Variants in FBH1 observed in about 807,000 individuals in gnomAD.
The protein encoded by FBH1 is F-box DNA helicase 1.
In FBH1, 43 loss-of-function variants were observed where a neutral mutation model predicts 115.5. The observed-to-expected ratio is 0.37, with a 90% CI of 0.29 to 0.48. The LOEUF (loss-of-function observed/expected upper bound fraction) is 0.48, where lower values mean the gene tolerates loss of function less well. Among genes scored for constraint, FBH1 ranks in the 20% least tolerant of loss-of-function variants. The pLI, the probability that FBH1 is intolerant of heterozygous loss-of-function variation, is 0.99. For missense variants in FBH1, 1,001 were observed against 1,337.3 expected (o/e 0.75, Z 3.92); for synonymous variants, 524 against 507.8 (o/e 1.03, Z -0.43).
intron 1 of FBH1, among the ~76,000 whole-genome samples, chr10:5,898,949 A>G (rs985344143): frequency 6.6e-6 from 1 of 152,210 alleles, no homozygotes; most frequent in Non-Finnish European, 1.5e-5. Context: ...TTATCAATGC[A>G]CCGTTGTTAC....
Position 5,896,018 on chromosome 10 carries a change from A to C in FBH1, c.1+5672A>C, listed in dbSNP as rs76236865. ...TAAGTTGTTTTCAATAAAGAAGATT[A>C]AAAAAAGAAGCCAGGCAAATGAAAG... On this transcript the variant is annotated intron_variant, in intron 1 of 20. Coordinates refer to ENST00000362091, the MANE Select transcript of FBH1 (RefSeq NM_178150.3). Among the ~76,000 whole-genome samples, 479 of 152,316 alleles carry C rather than the reference A, an allele frequency of 3.1e-3. 1 individual carries two copies. Among genetic ancestry groups the C allele is most frequent in the African/African-American group, 0.011 (461 of 41,568 alleles).
rs142414351 is a variant in FBH1 at position 5,914,412 on chromosome 10, A to G, written c.1396+143A>G. On this transcript the variant is annotated intron_variant, in intron 8 of 20. Transcript: ENST00000362091. This position sits in a 1 kb window ranked among gnomAD's most constrained non-coding sequence, Gnocchi z 5.2. ...AATAACAGATCAAATAATCAATCTC[A>G]AAAGCAATTGGCCAAGGAATACTTA... is the stretch of plus-strand genomic sequence containing the variant. 8.0e-3 allele frequency: 5,768 copies of G among 723,444 alleles called. 31 individuals carry two copies. Among genetic ancestry groups the G allele is most frequent in the Non-Finnish European group, 0.011 (4,886 of 425,270 alleles). The allele number at this position is 723,444 out of a possible 1,614,324, so 44.8% of individuals were successfully genotyped here.
chr10:5,925,585 G>T lies in FBH1; in HGVS notation c.2722+93G>T. 6.5e-7 allele frequency: 1 copy of T among 1,543,356 alleles called. No individual in the cohort carries two copies. On this transcript the variant is annotated intron_variant, in intron 18 of 20. Coordinates refer to ENST00000362091, the MANE Select transcript of FBH1 (RefSeq NM_178150.3). The surrounding 1 kb of genome is among the most constrained non-coding windows in gnomAD (Gnocchi z 4.6). ...GCACGGCCTTGTTGTTTGTTGGATG[G>T]TGTGGCCTCCTGGTAGGGCACTTCT... is the stretch of plus-strand genomic sequence containing the variant.
At chr10:5,898,253 T>G (rs1267438712) in intron 1 of FBH1, among the ~76,000 whole-genome samples, 1 of 152,206 alleles carries the variant, frequency 6.6e-6, no homozygotes, top group African/African-American at 2.4e-5. Context: ...AGATTTGGTG[T>G]CTGGTGAGGG....
chr10:5,891,353 C>G (rs1015937978), intron 1 of FBH1, among the ~76,000 whole-genome samples: 2 of 152,148 alleles, frequency 1.3e-5, no homozygotes, highest in Non-Finnish European at 2.9e-5. Flanking sequence ...TCTGTCGTGC[C>G]TTGTCACTCC....
In FBH1 at chr10:5,917,701, T is replaced by C; in HGVS notation, c.1963+25T>C. The C allele has an allele frequency of 6.4e-7, 1 of 1,558,440 alleles. No individual in the cohort carries two copies. The highest frequency in any genetic ancestry group is 8.8e-7 in the Non-Finnish European group (1 of 1,131,200). ...GGTGATACACTGTTCAGGACATCAG[T>C]AGTGTCAAATACGTAGAAACAGCGC... On this transcript the variant is annotated intron_variant, in intron 12 of 20. Transcript: ENST00000362091. The surrounding 1 kb of genome is among the most constrained non-coding windows in gnomAD (Gnocchi z 5.6).
At chr10:5,893,622 T>G (rs1842856404) in intron 1 of FBH1, among the ~76,000 whole-genome samples, 1 of 152,256 alleles carries the variant, frequency 6.6e-6, no homozygotes, top group Non-Finnish European at 1.5e-5. Flanking sequence ...GTGAAGCCTT[T>G]TTCAACTTGC....
rs1255164295 is a variant in FBH1 at position 5,890,308 on chromosome 10, G to A, written c.-38G>A. 5.3e-6 allele frequency: 2 copies of A among 374,578 alleles called. No individual in the cohort carries two copies. Among genetic ancestry groups the A allele is most frequent in the Non-Finnish European group, 9.9e-6 (2 of 201,118 alleles). The allele number at this position is 374,578 out of a possible 1,614,324, so 23.2% of individuals were successfully genotyped here. ...GCTGAGCGGCCGGCGGCGCGGGCCC[G>A]GCGGCGGCGGCAGCGGGGTCCGGGT... On this transcript the variant is annotated 5_prime_UTR_variant, in exon 1 of 21. Transcript: ENST00000362091.
rs1204078921 is a variant in FBH1, at chr10:5,915,052, C to A, written c.1397-351C>A. On this transcript the variant is annotated intron_variant, in intron 8 of 20. Coordinates refer to ENST00000362091, the MANE Select transcript of FBH1 (RefSeq NM_178150.3). The surrounding 1 kb of genome is among the most constrained non-coding windows in gnomAD (Gnocchi z 5.2). ...CTCTCTCCAGAGACATGCCTTCCCC[C>A]TCCCTAACCCTACCCTCCTATCCTG... Among the ~76,000 whole-genome samples the A allele has an allele frequency of 6.6e-6, 1 of 152,172 alleles. No homozygotes were observed. Among genetic ancestry groups the A allele is most frequent in the Admixed American group, 6.5e-5 (1 of 15,282 alleles).
Position 5,903,124 on chromosome 10 carries a change from G to C in FBH1, c.106G>C (p.Asp36His). 2 of 1,613,794 alleles carry C rather than the reference G, an allele frequency of 1.2e-6. No homozygotes were observed. Among genetic ancestry groups the C allele is most frequent in the Non-Finnish European group, 1.7e-6 (2 of 1,179,866 alleles). The change falls in exon 2 of 21, where the codon GAT (aspartate) becomes CAT (histidine). Residue 36 changes from aspartate (D) to histidine (H), a missense_variant. This residue lies in a region of FBH1 where 420 missense variants were observed against 430.4 expected (regional missense o/e 0.98). Coordinates refer to ENST00000362091, the MANE Select transcript of FBH1 (RefSeq NM_178150.3). ...CTTCGGTCAAAGATGGACAAACAGA[G>C]ATCCGAACCATGGTCTCTATCCTAA... ...QPFGQRWTNR[D>H]PNHGLYPKPR...
At chr10:5,905,176 G>A (rs930752030) in intron 2 of FBH1, 1 of 152,152 alleles carries the variant, frequency 6.6e-6, no homozygotes, top group African/African-American at 2.4e-5. Flanking sequence ...TCTGAGTCCC[G>A]ACTTTTTATT....
In FBH1 at chr10:5,906,177, A is replaced by G. The variant is rs762254424; in HGVS notation, c.298A>G (p.Ser100Gly). Residue 100 changes from serine (S) to glycine (G), a missense_variant, in exon 3 of 21, where the codon AGC (serine) becomes GGC (glycine). By Grantham distance (56) the Ser-to-Gly change is moderately conservative. Around this residue, in one of 4 missense-constraint regions of FBH1, gnomAD observed 420 missense variants for 430.4 expected, o/e 0.98. Coordinates refer to ENST00000362091, the MANE Select transcript of FBH1 (RefSeq NM_178150.3). This position sits in a 1 kb window ranked among gnomAD's most constrained non-coding sequence, Gnocchi z 7.3. ...TGACATGATCTTTCCTGCAGAGAGC[A>G]GCTGTGCACTGCCTCAGGAAGGCAG... ...EGDMIFPAESSCALPQEGSAG... is the reference protein window; with the variant it reads ...EGDMIFPAESGCALPQEGSAG... 16 of 1,613,984 alleles carry G rather than the reference A, an allele frequency of 9.9e-6. No homozygotes were observed. The highest frequency in any genetic ancestry group is 4.2e-6 in the Non-Finnish European group (5 of 1,179,976).
At chr10:5,926,092 GTTA>G (rs558928372) in intron 18 of FBH1, among the ~76,000 whole-genome samples, 11 of 128,918 alleles carry the variant, frequency 8.5e-5, no homozygotes, top group African/African-American at 2.7e-4. Context: ...TGTTGTTGTT[GTTA>G]TTATTATTCT....
Position 5,916,538 on chromosome 10 carries a change from CAG to C in FBH1, c.1788+83_1788+84del, listed in dbSNP as rs35045317. On this transcript the variant is annotated intron_variant, in intron 10 of 20. Coordinates refer to ENST00000362091, the MANE Select transcript of FBH1 (RefSeq NM_178150.3). Reference sequence around the variant, plus strand: ...TGTTAGGGATCTGAGGATGGGGAAACAGGGGAAGTGTTAGGGGTCTGAGGATG... The same window carrying C: ...TGTTAGGGATCTGAGGATGGGGAAACGGGAAGTGTTAGGGGTCTGAGGATG... 1.8e-3 allele frequency: 2,116 copies of C among 1,155,076 alleles called. 26 individuals carry two copies. The African/African-American group carries it at 0.03, about 16-fold the overall frequency. The allele number at this position is 1,155,076 out of a possible 1,614,324, so 71.6% of individuals were successfully genotyped here. A position where few individuals can be genotyped will look rare whatever the true frequency, so the allele number is the denominator to read the frequency against.
rs1047907715 is a variant in FBH1 at position 5,918,790 on chromosome 10, T to G, written c.2100+312T>G. 6.6e-6 allele frequency among the ~76,000 whole-genome samples: 1 copy of G among 152,232 alleles called. No homozygotes were observed. The highest frequency in any genetic ancestry group is 6.5e-5 in the Admixed American group (1 of 15,282). ...TGTTCAGACTTGTGTATTTGGCACT[T>G]TTTCAAAGACAAGTGAAACAAGCTG... is the stretch of plus-strand genomic sequence containing the variant. On this transcript the variant is annotated intron_variant, in intron 13 of 20. Coordinates refer to ENST00000362091, the MANE Select transcript of FBH1 (RefSeq NM_178150.3). The surrounding 1 kb of genome is among the most constrained non-coding windows in gnomAD (Gnocchi z 4.0).
intron 1 of FBH1, 147 bp from the exon 2 acceptor site, chr10:5,902,873 G>T: frequency 1.7e-6 from 1 of 575,536 alleles, no homozygotes; most frequent in Non-Finnish European, 2.8e-6. Context: ...ACAAAGTTGG[G>T]GGGCAAGGGG....
intron 10 of FBH1, 50 bp downstream of exon 10, chr10:5,916,506 G>A: frequency 2.1e-6 from 3 of 1,412,750 alleles, no homozygotes; most frequent in Non-Finnish European, 2.9e-6. Context: ...TGGGGGAACA[G>A]GGGAAGTGTT....
At chr10:5,892,213 A>G (rs1029063404) in intron 1 of FBH1, among the ~76,000 whole-genome samples, 9 of 152,222 alleles carry the variant, frequency 5.9e-5, no homozygotes, top group Admixed American at 5.9e-4. Flanking sequence ...TGGCCTTTAC[A>G]GTCACGTCAC....
At chr10:5,907,886 A>G (rs990749427) in intron 3 of FBH1, among the ~76,000 whole-genome samples, 14 of 152,186 alleles carry the variant, frequency 9.2e-5, no homozygotes, top group Non-Finnish European at 2.1e-4. Flanking sequence ...ATAATAACTT[A>G]AGTGGTTTTT....
Sources: allele counts gnomAD v4.1 joint callset (sites outside exome capture counted in the v4.1 genomes callset), GRCh38; gene constraint gnomAD v4.1.1; regional missense constraint gnomAD v4.1.1; non-coding constraint Gnocchi (gnomAD v3.1); transcripts MANE v1.5; gene names NCBI Gene and HGNC (gene_info 2026-07-23, HGNC 2026-07-21).